PTBP3: variants seen among roughly 807,000 people sequenced by gnomAD.
PTBP3 encodes polypyrimidine tract-binding protein 3.
PTBP3 carries 20 observed loss-of-function variants against 58.7 expected under a neutral mutation model. The ratio of observed to expected loss-of-function variants is 0.34; its 90% CI spans 0.24 to 0.50. The LOEUF (loss-of-function observed/expected upper bound fraction) is 0.50. Among genes scored for constraint, PTBP3 ranks in the 20% least tolerant of loss-of-function variants. The probability of loss-of-function intolerance (pLI) is 0.98; values close to 1 mark genes in which losing one functional copy is unlikely to be tolerated. For synonymous variants in PTBP3, 185 were observed against 219.8 expected (o/e 0.84, Z 1.40); for missense variants, 509 against 637.2 (o/e 0.80, Z 2.17).
At chr9:112,362,493 AAATT>A in the PTBP3 span, among the ~76,000 whole-genome samples, 50 of 152,104 alleles carry the variant, frequency 3.3e-4, 2 homozygotes, top group Non-Finnish European at 2.9e-5. Context: ...TGGGATGCAC[AAATT>A]AATTATTTTA....
At chr9:112,248,821 T>C (rs1483384479) in intron 7 of PTBP3, among the ~76,000 whole-genome samples, 1 of 152,194 alleles carries the variant, frequency 6.6e-6, no homozygotes, top group African/African-American at 2.4e-5. Context: ...GGAAAGAATG[T>C]TCATAGTAGC....
Position 112,220,694 on chromosome 9 carries a change from T to C in PTBP3, c.*3157A>G. On this transcript the variant is annotated 3_prime_UTR_variant, in exon 14 of 14. Coordinates refer to ENST00000374257, the MANE Select transcript of PTBP3 (RefSeq NM_001163788.4). ...ATTAAGATACTGGGTCATTTTTCTA[T>C]TTGTATGTTACACAAAACACATTTT... is the stretch of plus-strand genomic sequence containing the variant. 1 of 986,434 alleles carries C rather than the reference T, an allele frequency of 1.0e-6. No individual in the cohort carries two copies. The highest frequency in any genetic ancestry group is 1.2e-6 in the Non-Finnish European group (1 of 830,314). The allele number at this position is 986,434 out of a possible 1,614,324, so 61.1% of individuals were successfully genotyped here. A position where few individuals can be genotyped will look rare whatever the true frequency, so the allele number is the denominator to read the frequency against.
intron 3 of PTBP3, among the ~76,000 whole-genome samples, chr9:112,270,988 G>A (rs1827362945): frequency 6.6e-6 from 1 of 151,766 alleles, no homozygotes; most frequent in African/African-American, 2.4e-5. Flanking sequence ...CACCACACCC[G>A]GCTTATTTTT....
At chr9:112,338,846 C>G in the PTBP3 span, among the ~76,000 whole-genome samples, 3 of 152,172 alleles carry the variant, frequency 2.0e-5, no homozygotes, top group Non-Finnish European at 4.4e-5. Flanking sequence ...ACATGAAGTT[C>G]TTAATATGGC....
chr9:112,361,974 C>T, the PTBP3 span, among the ~76,000 whole-genome samples: 9 of 152,312 alleles, frequency 5.9e-5, no homozygotes, highest in East Asian at 9.6e-4. Flanking sequence ...TTTTGATTTG[C>T]ATTTCCCTAA....
At chr9:112,280,211 C>T (rs139520477) in intron 2 of PTBP3, among the ~76,000 whole-genome samples, 17 of 152,222 alleles carry the variant, frequency 1.1e-4, no homozygotes, top group African/African-American at 3.1e-4. Context: ...CACACCACCA[C>T]GCCCAGCTAA....
chr9:112,291,387 T>C (rs1020226534), intron 2 of PTBP3, among the ~76,000 whole-genome samples: 7 of 151,538 alleles, frequency 4.6e-5, no homozygotes, highest in South Asian at 2.1e-4. Context: ...GACATTCATA[T>C]AGAACACAAA....
At chr9:112,357,869 A>G in the PTBP3 span, among the ~76,000 whole-genome samples, 1 of 152,158 alleles carries the variant, frequency 6.6e-6, no homozygotes, top group Admixed American at 6.5e-5. Context: ...TTCCAGAGAC[A>G]TTTTTGGTTG....
At chr9:112,274,212 G>A (rs1827511498) in intron 3 of PTBP3, among the ~76,000 whole-genome samples, 2 of 152,218 alleles carry the variant, frequency 1.3e-5, no homozygotes, top group Admixed American at 6.5e-5. Flanking sequence ...GTGAATTTAA[G>A]AGGATATTAA....
chr9:112,284,473 A>G (rs1828018412), intron 2 of PTBP3, among the ~76,000 whole-genome samples: 2 of 152,180 alleles, frequency 1.3e-5, no homozygotes, highest in Non-Finnish European at 2.9e-5. Flanking sequence ...AGGCAGGCAG[A>G]TCACTTGAGG....
intron 1 of PTBP3, among the ~76,000 whole-genome samples, chr9:112,303,688 ACCCC>A (rs1829046245): frequency 6.6e-6 from 1 of 151,758 alleles, no homozygotes; most frequent in Non-Finnish European, 1.5e-5. Context: ...ATATGGTGAA[ACCCC>A]GTCTCTACTA....
intron 5 of PTBP3, among the ~76,000 whole-genome samples, chr9:112,256,862 A>AT (rs1317040396): frequency 1.4e-5 from 1 of 72,712 alleles, no homozygotes; most frequent in East Asian, 3.5e-4. Context: ...TAAAGCTTTC[A>AT]TTTTTTCTTT....
chr9:112,268,084 T>G lies in PTBP3; in HGVS notation c.316A>C (p.Arg106=). The G allele has an allele frequency of 6.2e-7, 1 of 1,613,480 alleles. No individual in the cohort carries two copies. The highest frequency in any genetic ancestry group is 2.2e-5 in the East Asian group (1 of 44,866). Residue 106 remains arginine (R), a synonymous_variant, in exon 4 of 14, where the codon AGA becomes CGA. Coordinates refer to ENST00000374257, the MANE Select transcript of PTBP3 (RefSeq NM_001163788.4). The part of the protein sequence containing the change: ...QPVYIQYSNH[R]ELKTDNLPNQ... Reference sequence around the variant, plus strand: ...GGTAGATTGTCAGTCTTAAGTTCTCTGTGATTGGAATACTGAATATAAACA... The same window carrying G: ...GGTAGATTGTCAGTCTTAAGTTCTCGGTGATTGGAATACTGAATATAAACA...
the PTBP3 span, among the ~76,000 whole-genome samples, chr9:112,364,177 C>CTTTTTT: frequency 3.3e-4 from 24 of 73,532 alleles, 2 homozygotes; most frequent in African/African-American, 1.0e-3. Flanking sequence ...TAGGTCAGTT[C>CTTTTTT]TTTTTTTTTT....
At chr9:112,369,056 A>G in the PTBP3 span, among the ~76,000 whole-genome samples, 2 of 152,218 alleles carry the variant, frequency 1.3e-5, no homozygotes, top group African/African-American at 4.8e-5. Flanking sequence ...AAGGATTGGG[A>G]ACCTCCACCT....
chr9:112,247,691 G>A (rs368713667), intron 7 of PTBP3, among the ~76,000 whole-genome samples: 2 of 152,128 alleles, frequency 1.3e-5, no homozygotes, highest in African/African-American at 4.8e-5. Flanking sequence ...CTCTAGCCTC[G>A]AAGACAGAGA....
rs530007423 is a variant in PTBP3 at position 112,327,558 on chromosome 9, T to C, written c.-52+5912A>G. On this transcript the variant is annotated intron_variant, in intron 1 of 13. Coordinates refer to ENST00000374257, the MANE Select transcript of PTBP3 (RefSeq NM_001163788.4). ...CTGGGGCAACAGAGGGAGACCACCG[T>C]CTCAAAAAAAGTACATGAAGAAATA... 3.3e-5 allele frequency among the ~76,000 whole-genome samples: 5 copies of C among 151,988 alleles called. No individual in the cohort carries two copies. In the East Asian group the frequency reaches 9.6e-4, roughly 29 times the overall value.
At chr9:112,259,232 C>T (rs539870390) in intron 5 of PTBP3, among the ~76,000 whole-genome samples, 1 of 152,250 alleles carries the variant, frequency 6.6e-6, no homozygotes, top group South Asian at 2.1e-4. Context: ...GGATTACAGG[C>T]GTGAGCCACC....
chr9:112,349,213 T>C, the PTBP3 span, among the ~76,000 whole-genome samples: 1 of 152,130 alleles, frequency 6.6e-6, no homozygotes, highest in South Asian at 2.1e-4. Flanking sequence ...CAATCAGATT[T>C]GATGAGCTTC....
Sources: allele counts gnomAD v4.1 joint callset (sites outside exome capture counted in the v4.1 genomes callset), GRCh38; gene constraint gnomAD v4.1.1; transcripts MANE v1.5; gene names NCBI Gene and HGNC (gene_info 2026-07-23, HGNC 2026-07-21).